The following PRUNE2 variants were observed in gnomAD, a reference collection of about 807,000 sequenced individuals.
PRUNE2 encodes the protein protein prune homolog 2.
In PRUNE2, 164 loss-of-function variants were observed where a neutral mutation model predicts 252.0. The ratio of observed to expected loss-of-function variants is 0.65; its 90% CI spans 0.57 to 0.74. PRUNE2 has a LOEUF of 0.74. PRUNE2 is among the 30% of genes least tolerant of loss of function. The probability of loss-of-function intolerance (pLI) is 0.00; values close to 1 mark genes in which losing one functional copy is unlikely to be tolerated. For synonymous variants in PRUNE2, 1,292 were observed against 1,350.2 expected (o/e 0.96, Z 0.94); for missense variants, 3,495 against 3,711.0 (o/e 0.94, Z 1.51).
At chr9:76,712,462 C>T (rs1202851549) in intron 7 of PRUNE2, among the ~76,000 whole-genome samples, 7 of 136,526 alleles carry the variant, frequency 5.1e-5, no homozygotes, top group African/African-American at 1.7e-4. Context: ...TCCAGCGATC[C>T]ACCTCTGGCT....
chr9:76,615,044 A>C (rs574555050), intron 18 of PRUNE2: 54 of 945,768 alleles, frequency 5.7e-5, no homozygotes, highest in East Asian at 2.3e-4. Flanking sequence ...CAACAAAACA[A>C]CACCAAACAT....
chr9:76,713,527 C>T lies in PRUNE2; in HGVS notation c.915+36G>A, dbSNP rs374523398. 10 of 1,575,390 alleles carry T rather than the reference C, an allele frequency of 6.3e-6. No homozygotes were observed. The African/African-American group carries it at 1.2e-4, about 19-fold the overall frequency. On this transcript the variant is annotated intron_variant, in intron 7 of 18. Coordinates refer to ENST00000376718, the MANE Select transcript of PRUNE2 (RefSeq NM_015225.3). ...TGTTCTGAGAGCCAGCAGGTTAGGA[C>T]AGAGGGAACATGACGGGGTCAGAGG...
chr9:76,849,087 T>A (rs545479422), intron 3 of PRUNE2, among the ~76,000 whole-genome samples: 18 of 152,204 alleles, frequency 1.2e-4, no homozygotes, highest in African/African-American at 4.3e-4. Flanking sequence ...TTCTTTGTAT[T>A]TTTTGTGGAG....
intron 6 of PRUNE2, among the ~76,000 whole-genome samples, chr9:76,724,687 A>G (rs1217710233): frequency 6.6e-6 from 1 of 152,192 alleles, no homozygotes; most frequent in Non-Finnish European, 1.5e-5. Flanking sequence ...GAATACTTGA[A>G]TGGGGGAGTT....
At chr9:76,725,382 A>T (rs2048023348) in intron 6 of PRUNE2, among the ~76,000 whole-genome samples, 1 of 152,118 alleles carries the variant, frequency 6.6e-6, no homozygotes, top group Non-Finnish European at 1.5e-5. Flanking sequence ...GGCTCAATGA[A>T]AGTGTCAGTA....
At position 76,636,489 on chromosome 9, in the gene PRUNE2, A is replaced by G; in HGVS notation, c.9032T>C (p.Val3011Ala). Residue 3011 changes from valine to alanine, a missense_variant, in exon 15 of 19, where the codon GTG becomes GCG. Transcript: ENST00000376718. ...ACTGTACCTTATAAAAGGTCGTGTC[A>G]CAGCAAGGATTGTTCTGATGAACCA... ...PSWFIRTILAVTRPFISSKFS... is the reference protein window; with the variant it reads ...PSWFIRTILAATRPFISSKFS... The G allele has an allele frequency of 6.5e-7, 1 of 1,540,366 alleles. No individual in the cohort carries two copies. Among genetic ancestry groups the G allele is most frequent in the South Asian group, 1.2e-5 (1 of 84,148 alleles).
chr9:76,794,123 C>T (rs2055819475), intron 6 of PRUNE2, among the ~76,000 whole-genome samples: 1 of 152,156 alleles, frequency 6.6e-6, no homozygotes, highest in South Asian at 2.1e-4. Context: ...TCAGGAACTA[C>T]TGAGAATTTT....
chr9:76,882,075 C>T (rs1297623632), intron 1 of PRUNE2, among the ~76,000 whole-genome samples: 3 of 151,974 alleles, frequency 2.0e-5, no homozygotes, highest in Non-Finnish European at 4.4e-5. Context: ...TTAATCTTCA[C>T]CTATTCTTTC....
intron 2 of PRUNE2, among the ~76,000 whole-genome samples, chr9:76,851,503 G>C (rs750368189): frequency 6.6e-6 from 1 of 151,534 alleles, no homozygotes; most frequent in Non-Finnish European, 1.5e-5. Flanking sequence ...AGCCAAGATC[G>C]TGCCACTGCA....
At chr9:76,768,136 C>A (rs918243885) in intron 6 of PRUNE2, among the ~76,000 whole-genome samples, 4 of 152,138 alleles carry the variant, frequency 2.6e-5, no homozygotes, top group Non-Finnish European at 5.9e-5. Flanking sequence ...AAGTCTAATT[C>A]CCCTCCCCAG....
At chr9:76,756,152 C>A (rs1412827338) in intron 6 of PRUNE2, among the ~76,000 whole-genome samples, 1 of 152,128 alleles carries the variant, frequency 6.6e-6, no homozygotes, top group Non-Finnish European at 1.5e-5. Flanking sequence ...CTTCACAGAG[C>A]CATTTTGATG....
At chr9:76,692,102 C>T (rs768419232) in intron 9 of PRUNE2, 6 of 717,380 alleles carry the variant, frequency 8.4e-6, no homozygotes, top group East Asian at 8.0e-5. Context: ...GGCTTTCTAA[C>T]GGAGGGTGAG....
chr9:76,641,684 C>T (rs1842647372), intron 12 of PRUNE2, among the ~76,000 whole-genome samples: 1 of 152,028 alleles, frequency 6.6e-6, no homozygotes, highest in Non-Finnish European at 1.5e-5. Context: ...ACTTTCTTCT[C>T]AATAAAGGTG....
chr9:76,873,048 T>A (rs2133114968), intron 1 of PRUNE2, among the ~76,000 whole-genome samples: 1 of 152,076 alleles, frequency 6.6e-6, no homozygotes, highest in Middle Eastern at 3.4e-3. Flanking sequence ...GAGAAGCCCA[T>A]CCACAAACCA....
chr9:76,621,200 A>G (rs2132022020), intron 17 of PRUNE2, among the ~76,000 whole-genome samples: 1 of 152,296 alleles, frequency 6.6e-6, no homozygotes, highest in South Asian at 2.1e-4. Context: ...TTTCTGAACA[A>G]GTCATGTGGA....
In PRUNE2 at chr9:76,705,215, T is replaced by C; in HGVS notation, c.7059A>G (p.Glu2353=). 6.2e-7 allele frequency: 1 copy of C among 1,614,026 alleles called. No homozygotes were observed. The highest frequency in any genetic ancestry group is 1.6e-4 in the Middle Eastern group (1 of 6,062). Residue 2353 remains glutamate (E), a synonymous_variant, in exon 8 of 19, where the codon GAA becomes GAG. Transcript: ENST00000376718. ...CGATATTCTGGCCCATTACATCATA[T>C]TCAAAATCACCCCACGAGGCTTCAG... ...CSSEASWGDF[E]YDVMGQNIDE...
At position 76,710,841 on chromosome 9, in the gene PRUNE2, G is replaced by A. The variant is rs761914077; in HGVS notation, c.1433C>T (p.Ala478Val). The change falls in exon 8 of 19, where the codon GCG becomes GTG. Residue 478 changes from alanine (A) to valine (V), a missense_variant. By Grantham distance (64) the Ala-to-Val change is moderately conservative. Transcript: ENST00000376718. ...SYSPIPEGAVAEEHAWSGEHG... is the reference protein window; with the variant it reads ...SYSPIPEGAVVEEHAWSGEHG... ...TTCTCCAGACCATGCATGTTCCTCC[G>A]CCACCGCCCCTTCAGGGATGGGGCT... 47 of 1,545,678 alleles carry A rather than the reference G, an allele frequency of 3.0e-5. No individual in the cohort carries two copies. The South Asian group carries it at 3.5e-4, about 11-fold the overall frequency.
rs1178650473 is a variant in PRUNE2, at chr9:76,769,493, GCTC to G, written c.756+54136_756+54138del. ...GCTGGAGTGCAATGGCACAATCTCG[GCTC>G]GTCGTCGCAACCTCCGCCCCCCGGG... On this transcript the variant is annotated intron_variant, in intron 6 of 18. Coordinates refer to ENST00000376718, the MANE Select transcript of PRUNE2 (RefSeq NM_015225.3). Among the ~76,000 whole-genome samples, 41 of 115,232 alleles carry G rather than the reference GCTC, an allele frequency of 3.6e-4. 1 individual carries two copies. In the South Asian group the frequency reaches 0.013, roughly 35 times the overall value. 75.6% of individuals were successfully genotyped at this position (115,232 alleles called of 152,430 possible). A position where few individuals can be genotyped will look rare whatever the true frequency, so the allele number is the denominator to read the frequency against.
At position 76,710,354 on chromosome 9, in the gene PRUNE2, G is replaced by A. The variant is rs1327919998; in HGVS notation, c.1920C>T (p.Asp640=). ...TCTGAGGTGGCCCCATGTGACCTGT[G>A]TCAGTTGCTTTTTGGGTCATATCTT... ...YTEDMTQKAT[D]TGHMGPPQTH... is the part of the protein sequence containing the mutation. The change falls in exon 8 of 19, where the codon GAC becomes GAT. Residue 640 remains aspartate (D), a synonymous_variant. Transcript: ENST00000376718. The A allele has an allele frequency of 5.0e-6, 8 of 1,614,040 alleles. No individual in the cohort carries two copies. The highest frequency in any genetic ancestry group is 6.8e-6 in the Non-Finnish European group (8 of 1,179,896).
Sources: allele counts gnomAD v4.1 joint callset (sites outside exome capture counted in the v4.1 genomes callset), GRCh38; gene constraint gnomAD v4.1.1; transcripts MANE v1.5; gene names NCBI Gene and HGNC (gene_info 2026-07-23, HGNC 2026-07-21).